Variants in TFCP2 observed in about 807,000 individuals in gnomAD.
TFCP2 encodes the protein transcription factor CP2, also known as alpha-globin transcription factor CP2.
Under a neutral mutation model 73.4 loss-of-function variants are expected in TFCP2, and 33 were observed. The ratio of observed to expected loss-of-function variants is 0.45; its 90% confidence interval spans 0.34 to 0.60. The LOEUF (loss-of-function observed/expected upper bound fraction) is 0.60. Among genes scored for constraint, TFCP2 ranks in the 20% least tolerant of loss-of-function variants. TFCP2 has a pLI of 0.01. For synonymous variants in TFCP2, 193 were observed against 211.6 expected (o/e 0.91, Z 0.76); for missense variants, 352 against 604.0 (o/e 0.58, Z 4.37).
At chr12:51,142,220 A>AAAT (rs1941210437) in intron 1 of TFCP2, among the ~76,000 whole-genome samples, 1 of 150,188 alleles carries the variant, frequency 6.7e-6, no homozygotes, top group Non-Finnish European at 1.5e-5. Flanking sequence ...AAAAAAAAAA[A>AAAT]AAAAAAAAGT....
intron 4 of TFCP2, among the ~76,000 whole-genome samples, chr12:51,113,596 A>G (rs1327090827): frequency 6.6e-6 from 1 of 152,222 alleles, no homozygotes; most frequent in African/African-American, 2.4e-5. Context: ...CTGAGCAGCC[A>G]AAACAATCGT....
chr12:51,106,429 A>G (rs1371934122), intron 8 of TFCP2, 96 bp downstream of exon 8: 1 of 864,316 alleles, frequency 1.2e-6, no homozygotes, highest in Non-Finnish European at 1.8e-6. Context: ...CCAAATAGAT[A>G]TACTTATTGA....
chr12:51,156,026 AGT>A (rs909652101), intron 1 of TFCP2, among the ~76,000 whole-genome samples: 1 of 151,346 alleles, frequency 6.6e-6, no homozygotes, highest in African/African-American at 2.4e-5. Context: ...TCAGTGATAG[AGT>A]GAGACTCTTT....
At chr12:51,104,669 T>A (rs1197605727) in intron 8 of TFCP2, among the ~76,000 whole-genome samples, 1 of 151,886 alleles carries the variant, frequency 6.6e-6, no homozygotes, top group Non-Finnish European at 1.5e-5. Context: ...TGGAAGAAAA[T>A]TTATGCAATG....
intron 11 of TFCP2, among the ~76,000 whole-genome samples, chr12:51,100,010 T>C (rs1940070875): frequency 6.6e-6 from 1 of 152,202 alleles, no homozygotes; most frequent in East Asian, 1.9e-4. Flanking sequence ...CTCTGAACTT[T>C]TGGCTTTTCC....
At chr12:51,139,502 C>A (rs1941140874) in intron 1 of TFCP2, among the ~76,000 whole-genome samples, 1 of 152,042 alleles carries the variant, frequency 6.6e-6, no homozygotes, top group Admixed American at 6.6e-5. Flanking sequence ...CTCAGCCTCC[C>A]AAGTAGCTAG....
rs146950536 is a variant in TFCP2, at chr12:51,117,920, T to C, written c.275-173A>G. Among the ~76,000 whole-genome samples, 1,049 of 152,318 alleles carry C rather than the reference T, an allele frequency of 6.9e-3. 3 individuals are homozygous for C. The highest frequency in any genetic ancestry group is 0.015 in the South Asian group (71 of 4,834). ...CAGCACTGTGCTAAGTATTGTCACA[T>C]TATCTCATTTAACTGATATACTTTT... is the stretch of plus-strand genomic sequence containing the variant. On this transcript the variant is annotated intron_variant, in intron 2 of 14. Transcript: ENST00000257915.
chr12:51,103,777 C>T lies in TFCP2; in HGVS notation c.967-14G>A. The T allele has an allele frequency of 6.2e-7, 1 of 1,605,252 alleles. No individual in the cohort carries two copies. The highest frequency in any genetic ancestry group is 8.5e-7 in the Non-Finnish European group (1 of 1,174,694). On this transcript the variant is annotated splice_polypyrimidine_tract_variant and intron_variant, in intron 9 of 14. Coordinates refer to ENST00000257915, the MANE Select transcript of TFCP2 (RefSeq NM_005653.5). ...TGGTAAGAGGTTCTGAAAGGGAGAG[C>T]ACGTTTTTTAGATAACCAAATAGAT...
intron 1 of TFCP2, among the ~76,000 whole-genome samples, chr12:51,148,334 C>T (rs1188153490): frequency 6.6e-6 from 1 of 152,154 alleles, no homozygotes; most frequent in African/African-American, 2.4e-5. Context: ...TACTTGCACA[C>T]GCATGTTTAT....
At chr12:51,131,378 T>C (rs1480853218) in intron 1 of TFCP2, among the ~76,000 whole-genome samples, 2 of 151,720 alleles carry the variant, frequency 1.3e-5, no homozygotes, top group African/African-American at 4.8e-5. Flanking sequence ...CAAATTATAT[T>C]AAAGGTATAG....
At position 51,172,623 on chromosome 12, in the gene TFCP2, G is replaced by T; in HGVS notation, c.-201C>A. 1.6e-6 allele frequency: 1 copy of T among 633,744 alleles called. No homozygotes were observed. Among genetic ancestry groups the T allele is most frequent in the Non-Finnish European group, 2.6e-6 (1 of 388,422 alleles). The allele number at this position is 633,744 out of a possible 1,614,324, so 39.3% of individuals were successfully genotyped here. On this transcript the variant is annotated 5_prime_UTR_variant, in exon 1 of 15. Transcript: ENST00000257915. ...TACCCTTGGCTGCTCGTTCTTGGCT[G>T]CCCCAGGTTCCAAAATCCCCCCTGC...
chr12:51,161,760 C>CA (rs60679909), intron 1 of TFCP2, among the ~76,000 whole-genome samples: 99 of 76,210 alleles, frequency 1.3e-3, no homozygotes, highest in African/African-American at 4.2e-3. Flanking sequence ...GACTCCATAT[C>CA]AAAAAAAAAA....
In TFCP2 at chr12:51,107,260, G is replaced by A; in HGVS notation, c.804C>T (p.Ser268=). The change falls in exon 7 of 15, where the codon TCC becomes TCT. Residue 268 remains serine, a synonymous_variant. Coordinates refer to ENST00000257915, the MANE Select transcript of TFCP2 (RefSeq NM_005653.5). ...TPHEKEKYQP[S]YETTILTECS... ...CCTCTGTGAGTATGGTTGTCTCATA[G>A]GAAGGCTGATATTTCTCCTTTTCAT... 1.2e-6 allele frequency: 2 copies of A among 1,608,842 alleles called. No individual in the cohort carries two copies. The highest frequency in any genetic ancestry group is 1.7e-6 in the Non-Finnish European group (2 of 1,178,842).
chr12:51,137,264 T>G (rs146180446), intron 1 of TFCP2, among the ~76,000 whole-genome samples: 28 of 152,316 alleles, frequency 1.8e-4, no homozygotes, highest in Admixed American at 5.9e-4. Context: ...GTCTCTCACA[T>G]TTCCACTCTG....
chr12:51,099,651 C>G lies in TFCP2; in HGVS notation c.1276+4G>C. The G allele has an allele frequency of 1.9e-6, 3 of 1,614,160 alleles. No homozygotes were observed. The South Asian group carries it at 3.3e-5, about 18-fold the overall frequency. ...TCTGTCCTAGTGTGTCCAGAACAAC[C>G]TACCGAAGAAAGTACCATTTGAGTC... On this transcript the variant is annotated splice_donor_region_variant and intron_variant, in intron 12 of 14. Transcript: ENST00000257915.
intron 4 of TFCP2, among the ~76,000 whole-genome samples, chr12:51,113,154 C>T (rs1215522429): frequency 2.6e-5 from 4 of 152,164 alleles, no homozygotes; most frequent in Non-Finnish European, 4.4e-5. Context: ...AAGTGGGTCC[C>T]ACTCCACAAT....
Position 51,106,549 on chromosome 12 carries a change from T to C in TFCP2, c.893A>G (p.His298Arg), listed in dbSNP as rs1940248906. 5 of 1,613,110 alleles carry C rather than the reference T, an allele frequency of 3.1e-6. No individual in the cohort carries two copies. Among genetic ancestry groups the C allele is most frequent in the Non-Finnish European group, 4.2e-6 (5 of 1,179,670 alleles). Residue 298 changes from histidine to arginine, a missense_variant, in exon 8 of 15, where the codon CAT (histidine) becomes CGT (arginine). This residue lies in a region of TFCP2 where 194 missense variants were observed against 256.3 expected (regional missense o/e 0.76). Coordinates refer to ENST00000257915, the MANE Select transcript of TFCP2 (RefSeq NM_005653.5). ...NSPSPGFNSSHSSFSLGEGNG... is the reference protein window; with the variant it reads ...NSPSPGFNSSRSSFSLGEGNG... ...CCCTTCCCCAAGAGAAAAACTGCTA[T>C]GGGAACTGTTGAAGCCAGGTGATGG...
intron 13 of TFCP2, among the ~76,000 whole-genome samples, chr12:51,098,350 G>T (rs1049157898): frequency 1.3e-5 from 2 of 152,128 alleles, no homozygotes; most frequent in Non-Finnish European, 2.9e-5. Flanking sequence ...TTAGGACCAG[G>T]CGCAGTGGCT....
intron 1 of TFCP2, among the ~76,000 whole-genome samples, chr12:51,132,387 T>TTTTTTTTTTTTTA (rs1186866774): frequency 1.6e-5 from 2 of 127,582 alleles, no homozygotes; most frequent in African/African-American, 5.8e-5. Flanking sequence ...TTTTTTTTTT[T>TTTTTTTTTTTTTA]AGACAGAGTC....
Sources: allele counts gnomAD v4.1 joint callset (sites outside exome capture counted in the v4.1 genomes callset), GRCh38; gene constraint gnomAD v4.1.1; regional missense constraint gnomAD v4.1.1; transcripts MANE v1.5; gene names NCBI Gene and HGNC (gene_info 2026-07-23, HGNC 2026-07-21).